NUDCD3: variants seen among roughly 807,000 people sequenced by gnomAD.
The protein encoded by NUDCD3 is nudC domain-containing protein 3.
In NUDCD3, 13 loss-of-function variants were observed where a neutral mutation model predicts 39.7. The observed-to-expected ratio is 0.33, with a 90% CI of 0.21 to 0.52. NUDCD3 has a LOEUF of 0.52. Ranked by LOEUF, NUDCD3 falls within the 20% of genes least tolerant of loss-of-function variation. NUDCD3 has a pLI of 0.96. For missense variants in NUDCD3, 453 were observed against 458.1 expected (o/e 0.99, Z 0.10); for synonymous variants, 175 against 172.4 (o/e 1.02, Z -0.12).
intron 1 of NUDCD3, 61 bp from the exon 2 acceptor site, chr7:44,485,345 G>T: frequency 7.4e-7 from 1 of 1,350,652 alleles, no homozygotes; most frequent in South Asian, 1.4e-5. Flanking sequence ...CACATATCTT[G>T]TAGAAATGTC....
At chr7:44,468,256 C>T (rs371439148) in intron 2 of NUDCD3, 18 of 1,589,772 alleles carry the variant, frequency 1.1e-5, no homozygotes, top group Non-Finnish European at 1.4e-5. Context: ...AACTGGCCAT[C>T]AGAGTCACCA....
chr7:44,465,880 T>C (rs568775222), intron 2 of NUDCD3, among the ~76,000 whole-genome samples: 8 of 152,040 alleles, frequency 5.3e-5, no homozygotes, highest in Admixed American at 2.0e-4. Context: ...TACGGAAAAA[T>C]AGGAAGTTCC....
At position 44,416,417 on chromosome 7, in the gene NUDCD3, G is replaced by A. The variant is rs555774011; in HGVS notation, c.642+11154C>T. ...AATTTTTAAAAGAGGTCTGCAGTTAGGAAGTCGGAGGTTGCAGTGAGCCAA... is the reference window on the plus strand; with the variant it reads ...AATTTTTAAAAGAGGTCTGCAGTTAAGAAGTCGGAGGTTGCAGTGAGCCAA... On this transcript the variant is annotated intron_variant, in intron 3 of 5. Coordinates refer to ENST00000355451, the MANE Select transcript of NUDCD3 (RefSeq NM_015332.4). 3.3e-5 allele frequency among the ~76,000 whole-genome samples: 5 copies of A among 152,104 alleles called. No homozygotes were observed. The East Asian group carries it at 9.7e-4, about 29-fold the overall frequency.
chr7:44,407,450 A>C (rs1798847482), intron 3 of NUDCD3, among the ~76,000 whole-genome samples: 1 of 151,526 alleles, frequency 6.6e-6, no homozygotes, highest in African/African-American at 2.4e-5. Flanking sequence ...CTGTAACCCC[A>C]GCTACTCCGG....
At chr7:44,467,831 AGAAAAG>A in intron 2 of NUDCD3, 2 of 970,190 alleles carry the variant, frequency 2.1e-6, no homozygotes, top group East Asian at 4.6e-5. Flanking sequence ...AAAAAAAAAA[AGAAAAG>A]AAAAGGCTCT....
At chr7:44,438,662 G>C (rs1799514967) in intron 2 of NUDCD3, among the ~76,000 whole-genome samples, 1 of 137,166 alleles carries the variant, frequency 7.3e-6, no homozygotes, top group Non-Finnish European at 1.5e-5. Flanking sequence ...AGAGTGCTAA[G>C]AGAAGGGGAC....
chr7:44,458,645 C>T (rs1025051532), intron 2 of NUDCD3, among the ~76,000 whole-genome samples: 18 of 146,358 alleles, frequency 1.2e-4, no homozygotes, highest in African/African-American at 4.4e-4. Flanking sequence ...GCAACAAGAG[C>T]GAAACTCTGT....
At chr7:44,392,908 T>C (rs1312490221) in intron 4 of NUDCD3, among the ~76,000 whole-genome samples, 1 of 152,072 alleles carries the variant, frequency 6.6e-6, no homozygotes, top group Non-Finnish European at 1.5e-5. Flanking sequence ...ATGCTTGCCA[T>C]GGAAGGCTCT....
chr7:44,427,959 G>T (rs1799270500), intron 2 of NUDCD3, among the ~76,000 whole-genome samples: 1 of 151,974 alleles, frequency 6.6e-6, no homozygotes, highest in Non-Finnish European at 1.5e-5. Context: ...GCATCCTACA[G>T]TTTAGGAAAA....
At chr7:44,466,313 A>G (rs1262807896) in intron 2 of NUDCD3, among the ~76,000 whole-genome samples, 7 of 152,212 alleles carry the variant, frequency 4.6e-5, no homozygotes, top group Non-Finnish European at 8.8e-5. Flanking sequence ...AAGGGATCAT[A>G]CCCATATGCC....
intron 1 of NUDCD3, 82 bp downstream of exon 1, chr7:44,490,327 G>C: frequency 7.6e-7 from 1 of 1,310,750 alleles, no homozygotes; most frequent in South Asian, 1.5e-5. Context: ...AAACAGGCTG[G>C]GAGAGCTTGG....
intron 2 of NUDCD3, among the ~76,000 whole-genome samples, chr7:44,455,551 TTG>T (rs1194045304): frequency 2.0e-5 from 3 of 152,166 alleles, no homozygotes; most frequent in African/African-American, 7.2e-5. Flanking sequence ...GTGTGAGAAA[TTG>T]TGTGTGTACA....
chr7:44,452,298 T>G (rs1053969583), intron 2 of NUDCD3, among the ~76,000 whole-genome samples: 3 of 151,996 alleles, frequency 2.0e-5, no homozygotes, highest in South Asian at 2.1e-4. Context: ...AAAAGTTAGC[T>G]GGGGATGGGG....
intron 4 of NUDCD3, among the ~76,000 whole-genome samples, chr7:44,399,588 TAAG>T (rs1798683903): frequency 6.6e-6 from 1 of 152,176 alleles, no homozygotes; most frequent in African/African-American, 2.4e-5. Flanking sequence ...ACAATTGTTC[TAAG>T]AAGTGACACT....
At chr7:44,450,961 C>T (rs944610141) in intron 2 of NUDCD3, among the ~76,000 whole-genome samples, 8 of 152,242 alleles carry the variant, frequency 5.3e-5, no homozygotes, top group African/African-American at 1.7e-4. Flanking sequence ...ATACATAACA[C>T]GGTTGAACCT....
At chr7:44,482,079 A>T (rs1222079219) in intron 2 of NUDCD3, among the ~76,000 whole-genome samples, 1 of 152,242 alleles carries the variant, frequency 6.6e-6, no homozygotes, top group African/African-American at 2.4e-5. Context: ...ACTATGACAA[A>T]CAACTTTGTA....
At chr7:44,485,825 T>G (rs1175182295) in intron 1 of NUDCD3, among the ~76,000 whole-genome samples, 1 of 152,252 alleles carries the variant, frequency 6.6e-6, no homozygotes, top group Non-Finnish European at 1.5e-5. Context: ...CAAAATGATT[T>G]CTGCTGCCTC....
intron 5 of NUDCD3, among the ~76,000 whole-genome samples, chr7:44,391,320 A>T (rs936167447): frequency 1.3e-5 from 2 of 152,182 alleles, no homozygotes; most frequent in Non-Finnish European, 2.9e-5. Context: ...CCTTCACCTC[A>T]TAAGAGCAGG....
chr7:44,448,686 A>G (rs1585086072), intron 2 of NUDCD3, among the ~76,000 whole-genome samples: 1 of 151,582 alleles, frequency 6.6e-6, no homozygotes, highest in East Asian at 1.9e-4. Context: ...ACAAGAACCT[A>G]CCTCCAGACC....
Sources: allele counts gnomAD v4.1 joint callset (sites outside exome capture counted in the v4.1 genomes callset), GRCh38; gene constraint gnomAD v4.1.1; transcripts MANE v1.5; gene names NCBI Gene and HGNC (gene_info 2026-07-23, HGNC 2026-07-21).